Variants in TTBK2 observed in about 807,000 individuals in gnomAD.
TTBK2 encodes the protein tau tubulin kinase 2.
In TTBK2, 28 loss-of-function variants were observed where a neutral mutation model predicts 110.8. The observed-to-expected ratio is 0.25, with a 90% CI of 0.19 to 0.35. TTBK2 has a LOEUF of 0.35. Among genes scored for constraint, TTBK2 ranks in the 10% least tolerant of loss-of-function variants. The probability of loss-of-function intolerance (pLI) is 1.00; values close to 1 mark genes in which losing one functional copy is unlikely to be tolerated. For missense variants in TTBK2, 1,369 were observed against 1,500.3 expected (o/e 0.91, Z 1.45); for synonymous variants, 532 against 527.3 (o/e 1.01, Z -0.12).
At chr15:42,816,303 G>A (rs1202938419) in intron 7 of TTBK2, among the ~76,000 whole-genome samples, 1 of 150,230 alleles carries the variant, frequency 6.7e-6, no homozygotes, top group Non-Finnish European at 1.5e-5. Flanking sequence ...TTTTAGTAGA[G>A]ATGGGGTTTC....
Position 42,920,501 on chromosome 15 carries a change from G to A in TTBK2, c.-131C>T, listed in dbSNP as rs1045186147. On this transcript the variant is annotated 5_prime_UTR_variant, in exon 1 of 15. Coordinates refer to ENST00000267890, the MANE Select transcript of TTBK2 (RefSeq NM_173500.4). ...TCTGGTCCAGCTCAGGACCGGGACC[G>A]GCGGGGGTTAACCCTCGGCAGGCGG... 6.5e-6 allele frequency: 1 copy of A among 152,692 alleles called. No homozygotes were observed. The highest frequency in any genetic ancestry group is 1.9e-4 in the East Asian group (1 of 5,188). The allele number at this position is 152,692 out of a possible 1,614,324, so 9.5% of individuals were successfully genotyped here. A position where few individuals can be genotyped will look rare whatever the true frequency, so the allele number is the denominator to read the frequency against.
At chr15:42,757,417 C>T (rs1423202852) in intron 13 of TTBK2, among the ~76,000 whole-genome samples, 1 of 152,094 alleles carries the variant, frequency 6.6e-6, no homozygotes, top group Non-Finnish European at 1.5e-5. Context: ...GGTTAGAGTA[C>T]TATTACTAAT....
chr15:42,819,803 G>A (rs558729530), intron 6 of TTBK2, among the ~76,000 whole-genome samples: 9 of 152,240 alleles, frequency 5.9e-5, no homozygotes, highest in Admixed American at 2.0e-4. Context: ...GGTAAATAAC[G>A]TTTCAGAGGT....
chr15:42,782,154 C>T (rs1462794399), intron 11 of TTBK2, among the ~76,000 whole-genome samples: 1 of 152,134 alleles, frequency 6.6e-6, no homozygotes, highest in Non-Finnish European at 1.5e-5. Context: ...TCACTGCAAC[C>T]TCCACCTCTC....
chr15:42,869,190 C>T (rs1434324568), intron 3 of TTBK2, among the ~76,000 whole-genome samples: 3 of 152,032 alleles, frequency 2.0e-5, no homozygotes, highest in African/African-American at 4.8e-5. Flanking sequence ...TGGGCTCAAG[C>T]GATTCTCATA....
At chr15:42,815,899 T>A (rs1891929052) in intron 7 of TTBK2, among the ~76,000 whole-genome samples, 2 of 117,298 alleles carry the variant, frequency 1.7e-5, no homozygotes, top group East Asian at 4.9e-4. Context: ...TAAAAATATA[T>A]ATATATATTT....
intron 13 of TTBK2, among the ~76,000 whole-genome samples, chr15:42,766,246 C>A (rs1243301480): frequency 6.6e-6 from 1 of 151,836 alleles, no homozygotes; most frequent in Non-Finnish European, 1.5e-5. Context: ...ATCATAATGA[C>A]AGGATCAAAT....
intron 12 of TTBK2, among the ~76,000 whole-genome samples, chr15:42,776,614 G>A (rs533007185): frequency 6.6e-6 from 1 of 152,294 alleles, no homozygotes; most frequent in East Asian, 1.9e-4. Context: ...ACCGTCCCTT[G>A]TGTATGAATT....
In TTBK2 at chr15:42,815,958, A is replaced by AAAATATATATATAT. The variant is rs71108183; in HGVS notation, c.603+1073_603+1074insATATATATATATTT. On this transcript the variant is annotated intron_variant, in intron 7 of 14. Transcript: ENST00000267890. The stretch of plus-strand genomic sequence containing the variant: ...TATATATATATATATTTAAAAAAAA[A>AAAATATATATATAT]ATATATATATATATATATATTTGAG... Among the ~76,000 whole-genome samples the AAAATATATATATAT allele has an allele frequency of 7.9e-3, 722 of 91,654 alleles. 25 individuals carry two copies. The highest frequency in any genetic ancestry group is 0.01 in the South Asian group (30 of 2,900). 60.1% of individuals were successfully genotyped at this position (91,654 alleles called of 152,430 possible). A position where few individuals can be genotyped will look rare whatever the true frequency, so the allele number is the denominator to read the frequency against.
intron 13 of TTBK2, among the ~76,000 whole-genome samples, chr15:42,754,474 C>T (rs1595879051): frequency 6.6e-6 from 1 of 151,602 alleles, no homozygotes; most frequent in Non-Finnish European, 1.5e-5. Context: ...TGGCTCACCG[C>T]AACCTCCGCC....
At chr15:42,769,591 T>C (rs1275259228) in intron 13 of TTBK2, among the ~76,000 whole-genome samples, 1 of 152,136 alleles carries the variant, frequency 6.6e-6, no homozygotes, top group Non-Finnish European at 1.5e-5. Flanking sequence ...ATGGCGATCA[T>C]TAAAAAGTCA....
At chr15:42,789,690 T>G (rs1374027725) in intron 10 of TTBK2, among the ~76,000 whole-genome samples, 1 of 152,056 alleles carries the variant, frequency 6.6e-6, no homozygotes, top group East Asian at 1.9e-4. Context: ...GCAGAGATCA[T>G]GTCATTGCAC....
At chr15:42,915,756 G>A (rs767335527) in intron 1 of TTBK2, among the ~76,000 whole-genome samples, 4 of 152,174 alleles carry the variant, frequency 2.6e-5, no homozygotes, top group African/African-American at 9.7e-5. Flanking sequence ...AGACCAGCCT[G>A]GGCAACATAG....
At chr15:42,809,969 T>C (rs895317653) in intron 9 of TTBK2, among the ~76,000 whole-genome samples, 3 of 152,226 alleles carry the variant, frequency 2.0e-5, no homozygotes, top group Non-Finnish European at 2.9e-5. Context: ...TACTAATACA[T>C]ATTCTTATTA....
intron 1 of TTBK2, among the ~76,000 whole-genome samples, chr15:42,912,734 C>A (rs1401209517): frequency 6.6e-6 from 1 of 151,950 alleles, no homozygotes; most frequent in East Asian, 1.9e-4. Context: ...AAAAAAGTAT[C>A]TAAATTGTTA....
At chr15:42,915,992 T>C (rs956370099) in intron 1 of TTBK2, among the ~76,000 whole-genome samples, 3 of 151,288 alleles carry the variant, frequency 2.0e-5, no homozygotes, top group African/African-American at 7.3e-5. Context: ...CCAGGAGAAA[T>C]AGGGAGCAAA....
chr15:42,792,763 TTC>T (rs1491565475), intron 10 of TTBK2, among the ~76,000 whole-genome samples: 1 of 152,206 alleles, frequency 6.6e-6, no homozygotes, highest in Non-Finnish European at 1.5e-5. Flanking sequence ...TCTCATTTTT[TTC>T]TCTCTTTTTA....
At chr15:42,834,697 G>A (rs1444824006) in intron 4 of TTBK2, among the ~76,000 whole-genome samples, 1 of 151,936 alleles carries the variant, frequency 6.6e-6, no homozygotes, top group African/African-American at 2.4e-5. Flanking sequence ...GCCAACATGG[G>A]GAAACCCCAT....
intron 13 of TTBK2, among the ~76,000 whole-genome samples, chr15:42,765,340 A>T (rs989112932): frequency 2.0e-5 from 3 of 152,232 alleles, no homozygotes; most frequent in African/African-American, 7.2e-5. Flanking sequence ...AGGATGTTTG[A>T]ACCCATTGCA....
Sources: gnomAD v4.1 joint callset for allele counts (sites outside exome capture counted in the v4.1 genomes callset) on GRCh38, gnomAD v4.1.1 for gene constraint, MANE v1.5 for transcripts, NCBI Gene and HGNC (gene_info 2026-07-23, HGNC 2026-07-21) for gene names.